The following RNF19B variants were observed in gnomAD, a reference collection of about 807,000 sequenced individuals.
The protein encoded by RNF19B is ring finger protein 19B, also known as E3 ubiquitin-protein ligase RNF19B.
Under a neutral mutation model 65.5 loss-of-function variants are expected in RNF19B, and 23 were observed. The observed-to-expected ratio is 0.35, with a 90% CI of 0.25 to 0.50. The LOEUF is 0.50. Among genes scored for constraint, RNF19B ranks in the 20% least tolerant of loss-of-function variants. The pLI is 0.98. For synonymous variants in RNF19B, 372 were observed against 379.6 expected (o/e 0.98, Z 0.23); for missense variants, 794 against 980.0 (o/e 0.81, Z 2.53).
intron 1 of RNF19B, among the ~76,000 whole-genome samples, chr1:32,959,115 G>GA (rs1391407156): frequency 6.6e-6 from 1 of 152,138 alleles, no homozygotes; most frequent in East Asian, 1.9e-4. Context: ...TGCTAGGGAT[G>GA]AAAAAAGCTT....
intron 7 of RNF19B, among the ~76,000 whole-genome samples, chr1:32,940,260 T>A (rs1446151771): frequency 6.6e-6 from 1 of 152,150 alleles, no homozygotes; most frequent in Non-Finnish European, 1.5e-5. Flanking sequence ...TAGAATTACC[T>A]GGGGAGCTTT....
At chr1:32,935,682 T>C (rs772511651), downstream of RNF19B, among the ~76,000 whole-genome samples, 41 of 152,212 alleles carry the variant, frequency 2.7e-4, 1 homozygote, top group African/African-American at 7.5e-4. Flanking sequence ...TTTGTGATTA[T>C]GCGCATCAGT....
At position 32,944,967 on chromosome 1, in the gene RNF19B, C is replaced by T. The variant is rs569124208; in HGVS notation, c.1261+547G>A. ...CCTCCCAAAACACTGGAATTACAGG[C>T]GTGAGCCACTGCGCCCAGCCAATTA... is the stretch of plus-strand genomic sequence containing the variant. On this transcript the variant is annotated intron_variant, in intron 5 of 8. Transcript: ENST00000235150. 2.7e-3 allele frequency among the ~76,000 whole-genome samples: 415 copies of T among 152,230 alleles called. 2 individuals carry two copies. The highest frequency in any genetic ancestry group is 9.6e-3 in the African/African-American group (397 of 41,532).
At chr1:32,949,510 T>G in intron 2 of RNF19B, 59 bp downstream of exon 2, 1 of 1,448,562 alleles carries the variant, frequency 6.9e-7, no homozygotes, top group South Asian at 1.2e-5. Flanking sequence ...TTCTTTCAGC[T>G]ATGGGCTCAC....
At position 32,936,789 on chromosome 1, in the gene RNF19B, G is replaced by C. The variant is rs770120592; in HGVS notation, c.*17C>G. 1 of 1,527,308 alleles carries C rather than the reference G, an allele frequency of 6.5e-7. No individual in the cohort carries two copies. The highest frequency in any genetic ancestry group is 1.4e-5 in the African/African-American group (1 of 72,138). 94.6% of individuals were successfully genotyped at this position (1,527,308 alleles called of 1,614,324 possible). ...AGTTACAAGTGTGCTTCTCAGAACA[G>C]GAGCATTCATTCCACTTCATACTCT... is the stretch of plus-strand genomic sequence containing the variant. On this transcript the variant is annotated 3_prime_UTR_variant, in exon 9 of 9. Coordinates refer to ENST00000235150, the MANE Select transcript of RNF19B (RefSeq NM_001300826.2).
chr1:32,943,563 C>A (rs1396204339), intron 6 of RNF19B, among the ~76,000 whole-genome samples: 2 of 152,004 alleles, frequency 1.3e-5, no homozygotes, highest in Non-Finnish European at 2.9e-5. Flanking sequence ...TTGCAGTGAA[C>A]CGAGATCGCG....
At chr1:32,940,699 T>C (rs1054801163) in intron 7 of RNF19B, among the ~76,000 whole-genome samples, 4 of 152,200 alleles carry the variant, frequency 2.6e-5, no homozygotes, top group Non-Finnish European at 5.9e-5. Context: ...TATCCTGCTT[T>C]GTTCTACCTT....
In RNF19B at chr1:32,937,185, C is replaced by A; in HGVS notation, c.1817G>T (p.Ser606Ile). 6.2e-7 allele frequency: 1 copy of A among 1,614,180 alleles called. No homozygotes were observed. Among genetic ancestry groups the A allele is most frequent in the Non-Finnish European group, 8.5e-7 (1 of 1,180,038 alleles). ...PSHYQLVSGS[S>I]TEDSLHVHAQ... ...ATGAACATGGAGCGAGTCCTCCGTGCTGCTTCCACTCACCAGCTGATAGTG... is the reference window on the plus strand; with the variant it reads ...ATGAACATGGAGCGAGTCCTCCGTGATGCTTCCACTCACCAGCTGATAGTG... The change falls in exon 9 of 9, where the codon AGC becomes ATC. Residue 606 changes from serine to isoleucine, a missense_variant. Coordinates refer to ENST00000235150, the MANE Select transcript of RNF19B (RefSeq NM_001300826.2).
intron 1 of RNF19B, among the ~76,000 whole-genome samples, chr1:32,959,771 C>G (rs1324494000): frequency 6.6e-6 from 1 of 151,932 alleles, no homozygotes; most frequent in Non-Finnish European, 1.5e-5. Flanking sequence ...GGCACAGTGG[C>G]TCACGCCTGT....
downstream of RNF19B, among the ~76,000 whole-genome samples, chr1:32,933,846 G>C (rs1642058346): frequency 6.6e-6 from 1 of 152,128 alleles, no homozygotes; most frequent in African/African-American, 2.4e-5. Context: ...TTTTGGCTAA[G>C]TGAAAACAGA....
downstream of RNF19B, among the ~76,000 whole-genome samples, chr1:32,935,104 G>T (rs570370494): frequency 1.3e-5 from 2 of 150,610 alleles, no homozygotes; most frequent in African/African-American, 4.9e-5. Context: ...TGCTGGGATT[G>T]CAGGTGTGAA....
chr1:32,961,651 TATATA>T (rs1309021179), intron 1 of RNF19B, among the ~76,000 whole-genome samples: 1 of 152,082 alleles, frequency 6.6e-6, no homozygotes, highest in African/African-American at 2.4e-5. Context: ...ACATTGTTTA[TATATA>T]TAACTATATA....
At chr1:32,935,663 T>C (rs530066799), downstream of RNF19B, among the ~76,000 whole-genome samples, 4 of 151,876 alleles carry the variant, frequency 2.6e-5, no homozygotes, top group African/African-American at 7.3e-5. Context: ...CAAACACCTA[T>C]GTCATTGCTT....
intron 7 of RNF19B, among the ~76,000 whole-genome samples, chr1:32,939,462 G>A (rs896433075): frequency 3.3e-5 from 5 of 152,144 alleles, no homozygotes; most frequent in Admixed American, 1.3e-4. Context: ...GATTACAGGC[G>A]TGCGCAGGCC....
rs912567797 is a variant in RNF19B at position 32,964,507 on chromosome 1, G to A, written c.179C>T (p.Ala60Val). The A allele has an allele frequency of 9.4e-6, 9 of 961,582 alleles. No homozygotes were observed. In the African/African-American group the frequency reaches 1.4e-4, roughly 15 times the overall value. The allele number at this position is 961,582 out of a possible 1,614,324, so 59.6% of individuals were successfully genotyped here. A position where few individuals can be genotyped will look rare whatever the true frequency, so the allele number is the denominator to read the frequency against. ...AKPQAEPPPPAAQPPPAPAPA... is the reference protein window; with the variant it reads ...AKPQAEPPPPVAQPPPAPAPA... The stretch of plus-strand genomic sequence containing the variant: ...GGCCGGGGCGGGCGGCGGCTGCGCA[G>A]CCGGGGGCGGCGGCTCGGCCTGCGG... Residue 60 changes from alanine (A) to valine (V), a missense_variant, in exon 1 of 9, where the codon GCT becomes GTT. Around this residue, in one of 3 missense-constraint regions of RNF19B, gnomAD observed 374 missense variants for 423.8 expected, o/e 0.88. Transcript: ENST00000235150. The surrounding 1 kb of genome is among the most constrained non-coding windows in gnomAD (Gnocchi z 6.5).
At position 32,964,266 on chromosome 1, in the gene RNF19B, G is replaced by C; in HGVS notation, c.420C>G (p.Arg140=). Residue 140 remains arginine (R), a synonymous_variant, in exon 1 of 9, where the codon CGC becomes CGG. Transcript: ENST00000235150. This position sits in a 1 kb window ranked among gnomAD's most constrained non-coding sequence, Gnocchi z 6.5. ...RAPRLLSCPH[R]SCRDCLRHYL... ...AGTGGCGGAGGCAGTCCCGGCACGA[G>C]CGGTGCGGACAGCTGAGGAGGCGCG... The C allele has an allele frequency of 6.5e-7, 1 of 1,540,036 alleles. No individual in the cohort carries two copies. The highest frequency in any genetic ancestry group is 2.5e-5 in the East Asian group (1 of 39,562).
At chr1:32,956,575 C>A (rs1387978470) in intron 1 of RNF19B, among the ~76,000 whole-genome samples, 1 of 151,960 alleles carries the variant, frequency 6.6e-6, no homozygotes, top group Non-Finnish European at 1.5e-5. Flanking sequence ...AACCCTATCT[C>A]AAAAAAATAA....
chr1:32,951,527 A>C (rs2124158228), intron 1 of RNF19B, among the ~76,000 whole-genome samples: 1 of 152,382 alleles, frequency 6.6e-6, no homozygotes, highest in Non-Finnish European at 1.5e-5. Flanking sequence ...GCCAACAAGC[A>C]GTCAGGCAGT....
In RNF19B at chr1:32,938,610, T is replaced by C. The variant is rs922976206; in HGVS notation, c.1611-82A>G. 3.1e-5 allele frequency: 44 copies of C among 1,417,928 alleles called. No individual in the cohort carries two copies. In the Admixed American group the frequency reaches 8.4e-4, roughly 27 times the overall value. 87.8% of individuals were successfully genotyped at this position (1,417,928 alleles called of 1,614,324 possible). A position where few individuals can be genotyped will look rare whatever the true frequency, so the allele number is the denominator to read the frequency against. On this transcript the variant is annotated intron_variant, in intron 7 of 8. Transcript: ENST00000235150. ...TGCTTCCTGGCACACATCTCTTCCATTACTCTCTTGCAAATTGTGGTTGTC... is the reference window on the plus strand; with the variant it reads ...TGCTTCCTGGCACACATCTCTTCCACTACTCTCTTGCAAATTGTGGTTGTC...
Sources: gnomAD v4.1 joint callset for allele counts (sites outside exome capture counted in the v4.1 genomes callset) on GRCh38, gnomAD v4.1.1 for gene constraint, gnomAD v4.1.1 regional missense constraint, Gnocchi (gnomAD v3.1) non-coding constraint, MANE v1.5 for transcripts, NCBI Gene and HGNC (gene_info 2026-07-23, HGNC 2026-07-21) for gene names.